Variants in DOK6 observed in about 807,000 individuals in gnomAD.
DOK6 encodes the protein downstream of tyrosine kinase 6.
A neutral mutation model predicts 44.0 loss-of-function variants in DOK6; 22 were observed. The ratio of observed to expected loss-of-function variants is 0.50; its 90% CI spans 0.36 to 0.71. The LOEUF (loss-of-function observed/expected upper bound fraction) is 0.71. Ranked by LOEUF, DOK6 falls within the 30% of genes least tolerant of loss-of-function variation. DOK6 has a pLI of 0.00. For missense variants in DOK6, 340 were observed against 416.4 expected (o/e 0.82, Z 1.60); for synonymous variants, 166 against 145.5 (o/e 1.14, Z -1.01).
At chr18:69,529,259 C>A (rs1232334459) in intron 1 of DOK6, among the ~76,000 whole-genome samples, 1 of 152,058 alleles carries the variant, frequency 6.6e-6, no homozygotes, top group Non-Finnish European at 1.5e-5. Context: ...TCTTACATGT[C>A]TTTTTTCCCT....
At chr18:69,722,569 ACAGTCAAGGT>A (rs2144724765) in intron 5 of DOK6, among the ~76,000 whole-genome samples, 1 of 152,370 alleles carries the variant, frequency 6.6e-6, no homozygotes, top group Admixed American at 6.5e-5. Flanking sequence ...ATATCAGGGC[ACAGTCAAGGT>A]CAGTCAAGGT....
At chr18:69,824,167 G>A (rs1296674307) in intron 7 of DOK6, among the ~76,000 whole-genome samples, 2 of 148,704 alleles carry the variant, frequency 1.3e-5, no homozygotes, top group Non-Finnish European at 3.0e-5. Context: ...TTAACATTAG[G>A]TATATCTCCT....
chr18:69,732,507 T>C (rs1380580153), intron 5 of DOK6, among the ~76,000 whole-genome samples: 1 of 152,194 alleles, frequency 6.6e-6, no homozygotes, highest in Admixed American at 6.6e-5. Flanking sequence ...CTTATATGTA[T>C]ATATTTTCAA....
intron 7 of DOK6, among the ~76,000 whole-genome samples, chr18:69,786,996 A>G (rs925536179): frequency 2.6e-5 from 4 of 152,196 alleles, no homozygotes; most frequent in African/African-American, 9.6e-5. Flanking sequence ...CAGGCAGATC[A>G]CTTGAGGTCA....
At chr18:69,576,426 CAAAT>C (rs1168205988) in intron 2 of DOK6, among the ~76,000 whole-genome samples, 4 of 151,776 alleles carry the variant, frequency 2.6e-5, no homozygotes, top group African/African-American at 9.7e-5. Context: ...TTAAAATAAT[CAAAT>C]GAATGAAATG....
At chr18:69,553,834 T>C (rs751412832) in intron 1 of DOK6, among the ~76,000 whole-genome samples, 4 of 152,214 alleles carry the variant, frequency 2.6e-5, no homozygotes, top group Non-Finnish European at 4.4e-5. Flanking sequence ...ATGTCAGTAC[T>C]TCTGGGATGC....
intron 5 of DOK6, among the ~76,000 whole-genome samples, chr18:69,710,194 A>T (rs1427030842): frequency 6.6e-6 from 1 of 152,208 alleles, no homozygotes; most frequent in Non-Finnish European, 1.5e-5. Context: ...AAAGAAAATT[A>T]TAAACTTACT....
intron 1 of DOK6, among the ~76,000 whole-genome samples, chr18:69,541,610 G>A (rs1982270490): frequency 6.6e-6 from 1 of 151,420 alleles, no homozygotes; most frequent in Non-Finnish European, 1.5e-5. Context: ...TATATACTGA[G>A]CCATGAAGGG....
chr18:69,820,700 A>G (rs2145123676), intron 7 of DOK6, among the ~76,000 whole-genome samples: 1 of 152,318 alleles, frequency 6.6e-6, no homozygotes, highest in African/African-American at 2.4e-5. Context: ...ACACCATGGA[A>G]TACTATGCAG....
intron 3 of DOK6, among the ~76,000 whole-genome samples, chr18:69,600,624 C>T (rs1385199773): frequency 1.3e-5 from 2 of 151,962 alleles, no homozygotes; most frequent in Admixed American, 1.3e-4. Flanking sequence ...AACTGGTAAA[C>T]CACTTTATTT....
At chr18:69,825,331 G>C (rs1981707828) in intron 7 of DOK6, among the ~76,000 whole-genome samples, 2 of 151,414 alleles carry the variant, frequency 1.3e-5, no homozygotes, top group Non-Finnish European at 2.9e-5. Context: ...GCAGTAGTGA[G>C]AGCACAGAGT....
intron 5 of DOK6, among the ~76,000 whole-genome samples, chr18:69,731,906 T>G (rs1001016426): frequency 1.3e-5 from 2 of 152,198 alleles, no homozygotes; most frequent in Non-Finnish European, 1.5e-5. Context: ...TGAGTATAGA[T>G]CAGTAGCTGT....
chr18:69,830,428 G>A (rs557658894), intron 7 of DOK6, among the ~76,000 whole-genome samples: 156 of 152,188 alleles, frequency 1.0e-3, no homozygotes, highest in Non-Finnish European at 1.7e-3. Context: ...ATAAGAAAAG[G>A]AGATTAGGAC....
chr18:69,686,474 T>A (rs907185852), intron 4 of DOK6, among the ~76,000 whole-genome samples: 1 of 152,150 alleles, frequency 6.6e-6, no homozygotes, highest in Admixed American at 6.5e-5. Flanking sequence ...AGCTCCACAT[T>A]TTTCTTTGAG....
At chr18:69,676,087 C>T (rs1453330665) in intron 3 of DOK6, among the ~76,000 whole-genome samples, 2 of 152,182 alleles carry the variant, frequency 1.3e-5, no homozygotes, top group Non-Finnish European at 2.9e-5. Flanking sequence ...AGTGAGGGAA[C>T]CAGGCCCTCT....
At chr18:69,667,549 C>G (rs1454262975) in intron 3 of DOK6, among the ~76,000 whole-genome samples, 4 of 152,174 alleles carry the variant, frequency 2.6e-5, no homozygotes, top group Non-Finnish European at 5.9e-5. Flanking sequence ...GGTAGCTATG[C>G]TCTCCAGGTT....
intron 1 of DOK6, among the ~76,000 whole-genome samples, chr18:69,538,338 A>G (rs941720901): frequency 1.3e-5 from 2 of 152,050 alleles, no homozygotes; most frequent in African/African-American, 2.4e-5. Context: ...TTTTTTTCCA[A>G]TAAGAATAAT....
At chr18:69,689,507 A>G (rs963237271) in intron 4 of DOK6, among the ~76,000 whole-genome samples, 34 of 152,346 alleles carry the variant, frequency 2.2e-4, no homozygotes, top group African/African-American at 7.9e-4. Context: ...AATTTTTGAT[A>G]AATCTGGCAA....
chr18:69,670,978 A>AAC (rs142645535), intron 3 of DOK6, among the ~76,000 whole-genome samples: 12 of 151,212 alleles, frequency 7.9e-5, no homozygotes, highest in African/African-American at 2.9e-4. Flanking sequence ...TCCCTCCCCC[A>AAC]ACACACACAC....
Sources: allele counts gnomAD v4.1 joint callset (sites outside exome capture counted in the v4.1 genomes callset), GRCh38; gene constraint gnomAD v4.1.1; transcripts MANE v1.5; gene names NCBI Gene and HGNC (gene_info 2026-07-23, HGNC 2026-07-21).